SDK2: variants seen among roughly 807,000 people sequenced by gnomAD.
SDK2 encodes the protein protein sidekick-2.
In SDK2, 105 loss-of-function variants were observed where a neutral mutation model predicts 253.9. The ratio of observed to expected loss-of-function variants is 0.41; its 90% CI spans 0.35 to 0.49. The LOEUF (loss-of-function observed/expected upper bound fraction) is 0.49. Among genes scored for constraint, SDK2 ranks in the 20% least tolerant of loss-of-function variants. The pLI is 0.06. For synonymous variants in SDK2, 1,249 were observed against 1,234.9 expected (o/e 1.01, Z -0.24); for missense variants, 2,608 against 3,003.0 (o/e 0.87, Z 3.07).
chr17:73,494,474 C>G (rs2063828287), intron 2 of SDK2, among the ~76,000 whole-genome samples: 1 of 152,226 alleles, frequency 6.6e-6, no homozygotes, highest in African/African-American at 2.4e-5. Flanking sequence ...GACCCATTTT[C>G]TCCCCAAGCC....
rs762604112 is a variant in SDK2, at chr17:73,379,143, G to T, written c.4980+34C>A. On this transcript the variant is annotated intron_variant, in intron 36 of 44. Transcript: ENST00000392650. This position sits in a 1 kb window ranked among gnomAD's most constrained non-coding sequence, Gnocchi z 4.5. ...CAGCCTCCGACCTGGCTTCTCATCCGTGCACCCCTTTGCTCTGCCCGAGGG... is the reference window on the plus strand; with the variant it reads ...CAGCCTCCGACCTGGCTTCTCATCCTTGCACCCCTTTGCTCTGCCCGAGGG... 1.3e-6 allele frequency: 2 copies of T among 1,493,282 alleles called. No homozygotes were observed. Among genetic ancestry groups the T allele is most frequent in the Non-Finnish European group, 1.8e-6 (2 of 1,094,660 alleles). The allele number at this position is 1,493,282 out of a possible 1,614,324, so 92.5% of individuals were successfully genotyped here. A position where few individuals can be genotyped will look rare whatever the true frequency, so the allele number is the denominator to read the frequency against.
chr17:73,363,533 G>A (rs1461565936), intron 38 of SDK2, among the ~76,000 whole-genome samples: 2 of 152,210 alleles, frequency 1.3e-5, no homozygotes, highest in East Asian at 1.9e-4. Flanking sequence ...ACAGGACAGT[G>A]GGGGCTGCTG....
In SDK2 at chr17:73,456,072, C is replaced by A; in HGVS notation, c.332-19G>T. On this transcript the variant is annotated intron_variant, in intron 3 of 44. Transcript: ENST00000392650. The stretch of plus-strand genomic sequence containing the variant: ...CCCATGTCTGCAGCCGGGACAACGG[C>A]AGTAGGATCAGGGGCGGGAGGTCAG... 6.8e-7 allele frequency: 1 copy of A among 1,465,098 alleles called. No individual in the cohort carries two copies. Among genetic ancestry groups the A allele is most frequent in the Non-Finnish European group, 9.1e-7 (1 of 1,100,228 alleles). 90.8% of individuals were successfully genotyped at this position (1,465,098 alleles called of 1,614,324 possible). A position where few individuals can be genotyped will look rare whatever the true frequency, so the allele number is the denominator to read the frequency against.
chr17:73,464,986 C>T (rs375765256), intron 3 of SDK2, among the ~76,000 whole-genome samples: 5 of 152,176 alleles, frequency 3.3e-5, no homozygotes, highest in East Asian at 1.9e-4. Context: ...TGGAACAGTG[C>T]TTGGCATATG....
At chr17:73,549,480 CAAAG>C (rs2145834143) in intron 1 of SDK2, among the ~76,000 whole-genome samples, 1 of 152,258 alleles carries the variant, frequency 6.6e-6, no homozygotes, top group Non-Finnish European at 1.5e-5. Flanking sequence ...GAATCGCAAA[CAAAG>C]ATTCAGCCCT....
chr17:73,366,268 G>T (rs918727745), intron 37 of SDK2, among the ~76,000 whole-genome samples: 1 of 152,210 alleles, frequency 6.6e-6, no homozygotes, highest in African/African-American at 2.4e-5. Flanking sequence ...TTGTCCTGCT[G>T]CCGCAGTGAC....
At chr17:73,457,269 TC>T (rs2063533546) in intron 3 of SDK2, among the ~76,000 whole-genome samples, 14 of 48,198 alleles carry the variant, frequency 2.9e-4, no homozygotes, top group South Asian at 2.3e-3. Flanking sequence ...CTTCCTTCCT[TC>T]CTTCCTTCCT....
At chr17:73,342,132 C>T (rs942864746) in intron 44 of SDK2, among the ~76,000 whole-genome samples, 1 of 151,288 alleles carries the variant, frequency 6.6e-6, no homozygotes, top group East Asian at 1.9e-4. Flanking sequence ...ACTCCCTAGT[C>T]CATCTGCTAA....
At position 73,612,759 on chromosome 17, in the gene SDK2, A is replaced by G. The variant is rs1190010899; in HGVS notation, c.64+31266T>C. ...TGGTGAAACCCCGTCTCTACTAAAA[A>G]TACAAAAATTAGCTGTACCTGGTGG... On this transcript the variant is annotated intron_variant, in intron 1 of 44. Coordinates refer to ENST00000392650, the MANE Select transcript of SDK2 (RefSeq NM_001144952.2). The surrounding 1 kb of genome is among the most constrained non-coding windows in gnomAD (Gnocchi z 4.4). Among the ~76,000 whole-genome samples the G allele has an allele frequency of 6.6e-6, 1 of 152,140 alleles. No individual in the cohort carries two copies. The highest frequency in any genetic ancestry group is 1.9e-4 in the East Asian group (1 of 5,180).
Position 73,448,267 on chromosome 17 carries a change from A to C in SDK2, c.480-519T>G, listed in dbSNP as rs533721333. Among the ~76,000 whole-genome samples the C allele has an allele frequency of 1.6e-4, 25 of 152,256 alleles. No homozygotes were observed. The South Asian group carries it at 3.5e-3, about 21-fold the overall frequency. On this transcript the variant is annotated intron_variant, in intron 4 of 44. Coordinates refer to ENST00000392650, the MANE Select transcript of SDK2 (RefSeq NM_001144952.2). ...AGTCCATGCCTTAACCCTAATCCTA[A>C]ATCTGTTCAGGATTGATGGACTCAA...
In SDK2 at chr17:73,466,831, T is replaced by C. The variant is rs544281614; in HGVS notation, c.331+5281A>G. Among the ~76,000 whole-genome samples, 46 of 151,832 alleles carry C rather than the reference T, an allele frequency of 3.0e-4. 2 individuals are homozygous for C. The South Asian group carries it at 9.4e-3, about 31-fold the overall frequency. ...GACCCTGAAGGTCACTTTAACCTTG[T>C]TAACATCAGAACTGAAATGGATCTC... is the stretch of plus-strand genomic sequence containing the variant. On this transcript the variant is annotated intron_variant, in intron 3 of 44. Coordinates refer to ENST00000392650, the MANE Select transcript of SDK2 (RefSeq NM_001144952.2).
intron 1 of SDK2, among the ~76,000 whole-genome samples, chr17:73,562,766 C>T (rs994796362): frequency 4.6e-5 from 7 of 152,216 alleles, no homozygotes; most frequent in Non-Finnish European, 8.8e-5. Context: ...GCATTCTGTG[C>T]GGAAGGCGCC....
chr17:73,643,957 T>TCCCCCCCCCCCC lies in SDK2; in HGVS notation c.64+67_64+68insGGGGGGGGGGGG. On this transcript the variant is annotated intron_variant, in intron 1 of 44. Transcript: ENST00000392650. The surrounding 1 kb of genome is among the most constrained non-coding windows in gnomAD (Gnocchi z 6.9). ...GGAGGTCACCGTGAGGCCGGCCAGC[T>TCCCCCCCCCCCC]CCCGCCGCCCCTCCCCCGCCCACTC... 25 of 1,019,978 alleles carry TCCCCCCCCCCCC rather than the reference T, an allele frequency of 2.5e-5. No individual in the cohort carries two copies. Among genetic ancestry groups the TCCCCCCCCCCCC allele is most frequent in the Admixed American group, 4.1e-5 (2 of 48,756 alleles). The allele number at this position is 1,019,978 out of a possible 1,614,324, so 63.2% of individuals were successfully genotyped here. A position where few individuals can be genotyped will look rare whatever the true frequency, so the allele number is the denominator to read the frequency against.
At chr17:73,589,693 C>A (rs2045655349) in intron 1 of SDK2, among the ~76,000 whole-genome samples, 1 of 152,214 alleles carries the variant, frequency 6.6e-6, no homozygotes, top group African/African-American at 2.4e-5. Context: ...GATCTGGTCA[C>A]CACAGGCTGG....
chr17:73,379,779 G>A lies in SDK2; in HGVS notation c.4763-230C>T, dbSNP rs543779396. ...GTTGGCCTCTTGGCCTAGGGTGGCC[G>A]TACATTTTATTGTTCAACTGGACAC... is the stretch of plus-strand genomic sequence containing the variant. On this transcript the variant is annotated intron_variant, in intron 34 of 44. Transcript: ENST00000392650. The surrounding 1 kb of genome is among the most constrained non-coding windows in gnomAD (Gnocchi z 4.5). 2.0e-5 allele frequency among the ~76,000 whole-genome samples: 3 copies of A among 149,740 alleles called. No homozygotes were observed. The highest frequency in any genetic ancestry group is 2.1e-4 in the South Asian group (1 of 4,676).
At chr17:73,557,305 G>T (rs1413138706) in intron 1 of SDK2, among the ~76,000 whole-genome samples, 2 of 117,274 alleles carry the variant, frequency 1.7e-5, no homozygotes, top group African/African-American at 3.9e-5. Flanking sequence ...TGTACCTCGA[G>T]ATTTTTTTTT....
intron 1 of SDK2, among the ~76,000 whole-genome samples, chr17:73,625,348 G>A (rs1462475736): frequency 1.3e-5 from 2 of 152,212 alleles, no homozygotes; most frequent in Admixed American, 6.5e-5. Flanking sequence ...CGTATTCCTG[G>A]AGCCTGAGAG....
In SDK2 at chr17:73,337,080, T is replaced by TGC. The variant is rs1218128817; in HGVS notation, c.*1506_*1507insGC. The TGC allele has an allele frequency of 6.6e-6, 1 of 151,084 alleles. No homozygotes were observed. Among genetic ancestry groups the TGC allele is most frequent in the Non-Finnish European group, 1.5e-5 (1 of 67,930 alleles). 9.4% of individuals were successfully genotyped at this position (151,084 alleles called of 1,614,324 possible). On this transcript the variant is annotated 3_prime_UTR_variant, in exon 45 of 45. Coordinates refer to ENST00000392650, the MANE Select transcript of SDK2 (RefSeq NM_001144952.2). ...GTGTGTGTGTGTGTGTGTGTGTGTGTGTAAAAGCATTCCCTCCCATCAGCT... is the reference window on the plus strand; with the variant it reads ...GTGTGTGTGTGTGTGTGTGTGTGTGTGCGTAAAAGCATTCCCTCCCATCAGCT...
chr17:73,565,153 T>C (rs1437174719), intron 1 of SDK2, among the ~76,000 whole-genome samples: 1 of 152,198 alleles, frequency 6.6e-6, no homozygotes, highest in East Asian at 1.9e-4. Flanking sequence ...GGACAGAGTT[T>C]GCGGCAACCG....
Sources: allele counts gnomAD v4.1 joint callset (sites outside exome capture counted in the v4.1 genomes callset), GRCh38; gene constraint gnomAD v4.1.1; non-coding constraint Gnocchi (gnomAD v3.1); transcripts MANE v1.5; gene names NCBI Gene and HGNC (gene_info 2026-07-23, HGNC 2026-07-21).